RPS6KA2: variants seen among roughly 807,000 people sequenced by gnomAD.
RPS6KA2 encodes ribosomal protein S6 kinase A2, also known as ribosomal protein S6 kinase alpha-2.
A neutral mutation model predicts 91.8 loss-of-function variants in RPS6KA2; 42 were observed. The observed-to-expected ratio is 0.46, with a 90% CI of 0.36 to 0.59. RPS6KA2 has a LOEUF of 0.59. RPS6KA2 is among the 20% of genes least tolerant of loss of function. The pLI, the probability that RPS6KA2 is intolerant of heterozygous loss-of-function variation, is 0.00. For missense variants in RPS6KA2, 798 were observed against 978.5 expected (o/e 0.82, Z 2.46); for synonymous variants, 414 against 393.6 (o/e 1.05, Z -0.61).
chr6:166,627,190 C>T lies in RPS6KA2; in HGVS notation c.-171G>A. On this transcript the variant is annotated 5_prime_UTR_variant, in exon 1 of 21. Coordinates refer to ENST00000265678, the MANE Select transcript of RPS6KA2 (RefSeq NM_021135.6). ...TGCGGTCACAAAGGGCAGGCCGCGC[C>T]GGCCACCGCGGCCGGGGCCACAATC... 1.9e-6 allele frequency: 2 copies of T among 1,047,038 alleles called. No homozygotes were observed. The highest frequency in any genetic ancestry group is 4.4e-4 in the Middle Eastern group (1 of 2,260). 64.9% of individuals were successfully genotyped at this position (1,047,038 alleles called of 1,614,324 possible).
At chr6:166,518,299 A>G (rs1372901955) in intron 3 of RPS6KA2, among the ~76,000 whole-genome samples, 1 of 151,846 alleles carries the variant, frequency 6.6e-6, no homozygotes, top group East Asian at 1.9e-4. Context: ...ATAAAGTTGA[A>G]CACTTATCTG....
At chr6:166,636,703 T>C (rs1468294075) in intron 2 of RPS6KA2, among the ~76,000 whole-genome samples, 1 of 152,196 alleles carries the variant, frequency 6.6e-6, no homozygotes, top group Non-Finnish European at 1.5e-5. Context: ...ACTCCGTGGA[T>C]ATCTGCTGCC....
At chr6:166,582,397 G>A (rs568154902) in intron 1 of RPS6KA2, among the ~76,000 whole-genome samples, 75 of 152,350 alleles carry the variant, frequency 4.9e-4, no homozygotes, top group Admixed American at 1.1e-3. Flanking sequence ...GTGAACATGT[G>A]TTAAATGACC....
At chr6:166,789,006 C>T (rs1414103069) in intron 2 of RPS6KA2, among the ~76,000 whole-genome samples, 9 of 152,092 alleles carry the variant, frequency 5.9e-5, no homozygotes, top group South Asian at 2.1e-4. Flanking sequence ...TGCCAGACAG[C>T]GGGCACAGGA....
intron 2 of RPS6KA2, among the ~76,000 whole-genome samples, chr6:166,716,867 T>A (rs1308322946): frequency 6.7e-6 from 1 of 149,648 alleles, no homozygotes; most frequent in Non-Finnish European, 1.5e-5. Flanking sequence ...CTTTCGGATG[T>A]CAAAACACTG....
chr6:166,508,239 C>A lies in RPS6KA2; in HGVS notation c.423G>T (p.Leu141=). ...GCCGGGTGAAGAGGTCCCCTCCCCG[C>A]AGGAAGTCCAGGATCAGGTAGAGCT... ...EGKLYLILDF[L]RGGDLFTRLS... is the part of the protein sequence containing the mutation. The change falls in exon 5 of 21, where the codon CTG becomes CTT. Residue 141 remains leucine (L), a synonymous_variant. Transcript: ENST00000265678. This position sits in a 1 kb window ranked among gnomAD's most constrained non-coding sequence, Gnocchi z 4.3. 6.2e-7 allele frequency: 1 copy of A among 1,613,802 alleles called. No homozygotes were observed. Among genetic ancestry groups the A allele is most frequent in the African/African-American group, 1.3e-5 (1 of 75,012 alleles).
intron 2 of RPS6KA2, among the ~76,000 whole-genome samples, chr6:166,748,183 C>T (rs568542282): frequency 1.1e-4 from 16 of 152,218 alleles, no homozygotes; most frequent in East Asian, 7.7e-4. Context: ...TAGCAGCAAC[C>T]GTAGAGGAAG....
chr6:166,586,407 T>C, intron 1 of RPS6KA2: 2 of 1,600,086 alleles, frequency 1.2e-6, no homozygotes, highest in South Asian at 2.2e-5. Flanking sequence ...CTGATACTCC[T>C]TGTCATTTTC....
At chr6:166,696,285 G>T (rs910594406) in intron 2 of RPS6KA2, among the ~76,000 whole-genome samples, 4 of 152,134 alleles carry the variant, frequency 2.6e-5, no homozygotes, top group Non-Finnish European at 5.9e-5. Context: ...GAATCAATAC[G>T]GGGGTGATCA....
intron 2 of RPS6KA2, among the ~76,000 whole-genome samples, chr6:166,680,610 A>G (rs1363397583): frequency 6.6e-6 from 1 of 152,198 alleles, no homozygotes; most frequent in Admixed American, 6.5e-5. Context: ...GGAGGGACGA[A>G]CAACTCTGGA....
chr6:166,567,535 G>T (rs1010475855), intron 1 of RPS6KA2, among the ~76,000 whole-genome samples: 1 of 152,114 alleles, frequency 6.6e-6, no homozygotes, highest in African/African-American at 2.4e-5. Context: ...ATTAACTATG[G>T]GCACATGACA....
chr6:166,568,811 G>A (rs1370664640), intron 1 of RPS6KA2, among the ~76,000 whole-genome samples: 1 of 152,176 alleles, frequency 6.6e-6, no homozygotes, highest in Admixed American at 6.5e-5. Flanking sequence ...ATCTCTGAAT[G>A]TATGTGGCAT....
chr6:166,474,046 C>G (rs1055830444), intron 10 of RPS6KA2, among the ~76,000 whole-genome samples: 2 of 148,436 alleles, frequency 1.3e-5, no homozygotes, highest in African/African-American at 2.5e-5. Flanking sequence ...GGTTAGGAGT[C>G]AGGGATGGGC....
intron 2 of RPS6KA2, among the ~76,000 whole-genome samples, chr6:166,670,194 G>A (rs1377620005): frequency 1.3e-5 from 2 of 152,252 alleles, no homozygotes; most frequent in Non-Finnish European, 2.9e-5. Context: ...AATAGGGAGT[G>A]GAAAATCACA....
At chr6:166,574,935 C>T (rs912878521) in intron 1 of RPS6KA2, among the ~76,000 whole-genome samples, 1 of 152,208 alleles carries the variant, frequency 6.6e-6, no homozygotes. Flanking sequence ...GGAAGAGCTA[C>T]CAAGGATCTA....
chr6:166,441,969 C>T (rs185312960), intron 14 of RPS6KA2, among the ~76,000 whole-genome samples: 18 of 152,170 alleles, frequency 1.2e-4, no homozygotes, highest in Non-Finnish European at 2.2e-4. Flanking sequence ...GGAAGCGGTC[C>T]GGCTGCCGCT....
At chr6:166,623,050 A>G (rs1205702830) in intron 1 of RPS6KA2, among the ~76,000 whole-genome samples, 1 of 152,248 alleles carries the variant, frequency 6.6e-6, no homozygotes, top group East Asian at 1.9e-4. Flanking sequence ...CACTAGCAAT[A>G]TCCCAGGTAG....
At chr6:166,728,062 A>G (rs1350619704) in intron 2 of RPS6KA2, among the ~76,000 whole-genome samples, 2 of 152,242 alleles carry the variant, frequency 1.3e-5, no homozygotes, top group African/African-American at 4.8e-5. Context: ...TGCATTGGGT[A>G]TTATAAGTAA....
At chr6:166,625,581 T>C (rs1786842696) in intron 1 of RPS6KA2, among the ~76,000 whole-genome samples, 1 of 152,094 alleles carries the variant, frequency 6.6e-6, no homozygotes, top group Admixed American at 6.5e-5. Context: ...AAACTTGGCA[T>C]TGAGATGAAA....
Sources: gnomAD v4.1 joint callset for allele counts (sites outside exome capture counted in the v4.1 genomes callset) on GRCh38, gnomAD v4.1.1 for gene constraint, Gnocchi (gnomAD v3.1) non-coding constraint, MANE v1.5 for transcripts, NCBI Gene and HGNC (gene_info 2026-07-23, HGNC 2026-07-21) for gene names.